The following CCDC148 variants were observed in gnomAD, a reference collection of about 807,000 sequenced individuals.
CCDC148 encodes coiled-coil domain-containing protein 148.
A neutral mutation model predicts 85.7 loss-of-function variants in CCDC148; 89 were observed. That is an observed-to-expected ratio of 1.04 (90% CI 0.87 to 1.24). The LOEUF is 1.24. CCDC148 is among the 50% of genes most tolerant of loss of function. The pLI is 0.00. For synonymous variants in CCDC148, 230 were observed against 213.9 expected, an observed-to-expected ratio of 1.08 and a Z score of -0.66; for missense variants, 692 against 671.7, an observed-to-expected ratio of 1.03 and a Z score of -0.33.
rs529076324 is a variant in CCDC148 at position 158,220,471 on chromosome 2, T to C, written c.1370+124A>G. The C allele has an allele frequency of 9.0e-5, 59 of 653,766 alleles. No homozygotes were observed. In the South Asian group the frequency reaches 1.1e-3, roughly 12 times the overall value. 40.5% of individuals were successfully genotyped at this position (653,766 alleles called of 1,614,324 possible). On this transcript the variant is annotated intron_variant, in intron 11 of 13. Transcript: ENST00000283233. ...AGATATCATTGTATTCATTTGTGAA[T>C]ATAAATATTGAAAGGATACATTAAG...
chr2:158,225,479 C>T (rs1005186389), intron 10 of CCDC148, among the ~76,000 whole-genome samples: 2 of 152,152 alleles, frequency 1.3e-5, no homozygotes, highest in East Asian at 3.8e-4. Flanking sequence ...CAGAACTCTC[C>T]ACCCCAAATC....
chr2:158,369,856 G>A (rs1171351098), intron 1 of CCDC148, among the ~76,000 whole-genome samples: 7 of 152,006 alleles, frequency 4.6e-5, no homozygotes, highest in Admixed American at 2.0e-4. Flanking sequence ...TCAATACATC[G>A]TTTGTTAAGA....
intron 7 of CCDC148, among the ~76,000 whole-genome samples, chr2:158,329,938 A>G (rs1574632487): frequency 1.3e-5 from 2 of 152,258 alleles, no homozygotes; most frequent in African/African-American, 4.8e-5. Flanking sequence ...TAGATATAAA[A>G]TATGTCATCT....
chr2:158,283,718 C>T (rs1385076964), intron 9 of CCDC148, among the ~76,000 whole-genome samples: 15 of 151,646 alleles, frequency 9.9e-5, no homozygotes, highest in African/African-American at 1.5e-4. Flanking sequence ...GTCAGTGTGG[C>T]GATTCCTCAG....
At chr2:158,233,975 AG>A (rs1416916801) in intron 10 of CCDC148, among the ~76,000 whole-genome samples, 1 of 152,148 alleles carries the variant, frequency 6.6e-6, no homozygotes, top group African/African-American at 2.4e-5. Flanking sequence ...CAAGAGACAG[AG>A]ACCATCCTGG....
intron 10 of CCDC148, among the ~76,000 whole-genome samples, chr2:158,241,741 T>C (rs1688360320): frequency 6.6e-6 from 1 of 152,148 alleles, no homozygotes; most frequent in African/African-American, 2.4e-5. Flanking sequence ...AAATGCCACA[T>C]AGTACTATGT....
chr2:158,351,556 A>C (rs1441319947), intron 2 of CCDC148, among the ~76,000 whole-genome samples: 1 of 152,152 alleles, frequency 6.6e-6, no homozygotes, highest in Admixed American at 6.5e-5. Flanking sequence ...TATATCCCGC[A>C]CCTGGCTTGG....
At chr2:158,398,285 C>G (rs1685620142) in intron 1 of CCDC148, among the ~76,000 whole-genome samples, 1 of 152,096 alleles carries the variant, frequency 6.6e-6, no homozygotes, top group Non-Finnish European at 1.5e-5. Flanking sequence ...ACCTAATAGA[C>G]ATCTACAGAA....
intron 7 of CCDC148, among the ~76,000 whole-genome samples, chr2:158,318,143 G>A (rs1380560673): frequency 3.9e-5 from 6 of 152,088 alleles, no homozygotes; most frequent in Admixed American, 2.0e-4. Flanking sequence ...AATGATCCCA[G>A]CCCAGGCCCA....
intron 1 of CCDC148, among the ~76,000 whole-genome samples, chr2:158,424,142 T>C (rs562217428): frequency 2.0e-5 from 3 of 152,334 alleles, no homozygotes; most frequent in Non-Finnish European, 4.4e-5. Flanking sequence ...GTTCAACCAT[T>C]GTGGAAGTCA....
At chr2:158,247,648 G>A (rs1045651530) in intron 10 of CCDC148, among the ~76,000 whole-genome samples, 9 of 152,062 alleles carry the variant, frequency 5.9e-5, no homozygotes, top group South Asian at 4.1e-4. Flanking sequence ...TCTGAGGTCC[G>A]GAGTTTGAGA....
In CCDC148 at chr2:158,294,017, CTT is replaced by C. The variant is rs1171487745; in HGVS notation, c.1110+15414_1110+15415del. On this transcript the variant is annotated intron_variant, in intron 9 of 13. Coordinates refer to ENST00000283233, the MANE Select transcript of CCDC148 (RefSeq NM_138803.4). ...CCCTCCCTCCCTCCTTCCTTCCTTC[CTT>C]CCTTCCTTCCTTCCTTCCTTCCTTC... Among the ~76,000 whole-genome samples the C allele has an allele frequency of 4.8e-4, 8 of 16,520 alleles. 1 individual carries two copies. Among genetic ancestry groups the C allele is most frequent in the African/African-American group, 1.8e-3 (7 of 3,950 alleles). 10.8% of individuals were successfully genotyped at this position (16,520 alleles called of 152,430 possible).
chr2:158,400,756 T>C (rs1208760306), intron 1 of CCDC148, among the ~76,000 whole-genome samples: 2 of 152,102 alleles, frequency 1.3e-5, no homozygotes, highest in African/African-American at 4.8e-5. Context: ...GAAACCATCA[T>C]CAGAGTGAAC....
chr2:158,268,669 T>C (rs573215534), intron 9 of CCDC148, among the ~76,000 whole-genome samples: 3 of 152,126 alleles, frequency 2.0e-5, no homozygotes, highest in Non-Finnish European at 4.4e-5. Flanking sequence ...ATGCTGTATA[T>C]TAGATCCCCT....
At chr2:158,455,578 C>T (rs1262698541) in intron 1 of CCDC148, among the ~76,000 whole-genome samples, 1 of 152,128 alleles carries the variant, frequency 6.6e-6, no homozygotes, top group Non-Finnish European at 1.5e-5. Context: ...TTGTAATTTC[C>T]AAAATCCTAT....
At chr2:158,306,146 T>C (rs1379183394) in intron 9 of CCDC148, among the ~76,000 whole-genome samples, 1 of 152,062 alleles carries the variant, frequency 6.6e-6, no homozygotes, top group African/African-American at 2.4e-5. Flanking sequence ...AATTTTTGAG[T>C]GGTGGTGGAA....
chr2:158,315,876 G>C (rs1332656390), intron 7 of CCDC148, among the ~76,000 whole-genome samples: 1 of 152,188 alleles, frequency 6.6e-6, no homozygotes, highest in African/African-American at 2.4e-5. Context: ...CTCCAGAGAG[G>C]ATCAACTCTA....
chr2:158,451,685 G>A (rs1166848104), intron 1 of CCDC148, among the ~76,000 whole-genome samples: 1 of 151,848 alleles, frequency 6.6e-6, no homozygotes, highest in Non-Finnish European at 1.5e-5. Flanking sequence ...GCTTTGATAT[G>A]GGAGAGTAGG....
chr2:158,450,097 A>G (rs1206457455), intron 1 of CCDC148, among the ~76,000 whole-genome samples: 1 of 151,722 alleles, frequency 6.6e-6, no homozygotes, highest in East Asian at 1.9e-4. Flanking sequence ...ATCCAACCCC[A>G]GGGATGTACA....
Sources: gnomAD v4.1 joint callset for allele counts (sites outside exome capture counted in the v4.1 genomes callset) on GRCh38, gnomAD v4.1.1 for gene constraint, MANE v1.5 for transcripts, NCBI Gene and HGNC (gene_info 2026-07-23, HGNC 2026-07-21) for gene names.